Variants in SAMSN1 observed in about 807,000 individuals in gnomAD.
SAMSN1 encodes the protein SAM domain, SH3 domain and nuclear localization signals 1.
SAMSN1 carries 31 observed loss-of-function variants against 42.0 expected under a neutral mutation model. That is an observed-to-expected ratio of 0.74 (90% CI 0.55 to 1.00). The LOEUF is 1.00. Ranked by LOEUF, SAMSN1 falls within the 50% of genes least tolerant of loss-of-function variation. The probability of loss-of-function intolerance (pLI) is 0.00; values close to 1 mark genes in which losing one functional copy is unlikely to be tolerated. For synonymous variants in SAMSN1, 178 were observed against 151.9 expected, an observed-to-expected ratio of 1.17 and a Z score of -1.26; for missense variants, 464 against 439.4, an observed-to-expected ratio of 1.06 and a Z score of -0.50.
Position 14,656,111 on chromosome 21 carries a change from G to A in SAMSN1, c.24+2637C>T, listed in dbSNP as rs530586489. On this transcript the variant is annotated intron_variant, in intron 1 of 15. Transcript: ENST00000647101. ...CTATGTTTGTGGATGAAAAGACCTA[G>A]CACCATAATGAAGTCAATTTCCCCT... Among the ~76,000 whole-genome samples the A allele has an allele frequency of 2.6e-5, 4 of 151,890 alleles. No homozygotes were observed. In the South Asian group the frequency reaches 6.2e-4, roughly 24 times the overall value.
exon 2 of SAMSN1, chr21:14,582,446 T>C: frequency 6.6e-7 from 1 of 1,510,032 alleles, no homozygotes. Context: ...TTCTCGGGAC[T>C]TGGTTAATTT....
At chr21:14,607,293 A>G (rs1440040187) in intron 5 of SAMSN1, among the ~76,000 whole-genome samples, 1 of 152,236 alleles carries the variant, frequency 6.6e-6, no homozygotes, top group Non-Finnish European at 1.5e-5. Flanking sequence ...AATGAGAAAG[A>G]AATATTTTAG....
chr21:14,494,306 A>C (rs1232546594), intron 7 of SAMSN1, among the ~76,000 whole-genome samples: 1 of 152,188 alleles, frequency 6.6e-6, no homozygotes, highest in Non-Finnish European at 1.5e-5. Context: ...AATTGCAACC[A>C]ACCCTAATGC....
At chr21:14,500,760 A>G (rs770386169) in intron 5 of SAMSN1, 25 bp from the exon 6 acceptor site, 54 of 1,543,362 alleles carry the variant, frequency 3.5e-5, no homozygotes, top group Non-Finnish European at 4.7e-5. Context: ...ATCCATACAC[A>G]TTAGATTTCA....
At chr21:14,611,457 T>G (rs1982705449) in intron 4 of SAMSN1, among the ~76,000 whole-genome samples, 1 of 152,172 alleles carries the variant, frequency 6.6e-6, no homozygotes, top group East Asian at 1.9e-4. Context: ...GAAGACAAAC[T>G]CAGCATGCTG....
At chr21:14,521,960 C>A (rs962149962) in intron 1 of SAMSN1, among the ~76,000 whole-genome samples, 6 of 151,208 alleles carry the variant, frequency 4.0e-5, no homozygotes, top group Non-Finnish European at 2.9e-5. Context: ...ATTTGAAGTT[C>A]TCTGCTGGGT....
intron 1 of SAMSN1, among the ~76,000 whole-genome samples, chr21:14,525,929 A>C (rs570180937): frequency 2.0e-5 from 3 of 152,272 alleles, no homozygotes; most frequent in African/African-American, 7.2e-5. Context: ...CAGTGGCTCC[A>C]TCTCGGCTCA....
intron 1 of SAMSN1, among the ~76,000 whole-genome samples, chr21:14,545,110 G>A (rs1980302587): frequency 6.6e-6 from 1 of 152,050 alleles, no homozygotes; most frequent in African/African-American, 2.4e-5. Flanking sequence ...CCATTATTAT[G>A]CATATGTGTC....
At chr21:14,576,081 G>T (rs1397540997) in intron 2 of SAMSN1, among the ~76,000 whole-genome samples, 1 of 152,176 alleles carries the variant, frequency 6.6e-6, no homozygotes, top group Non-Finnish European at 1.5e-5. Flanking sequence ...GCAGTAAAGA[G>T]TGTGTAAAAA....
intron 1 of SAMSN1, among the ~76,000 whole-genome samples, chr21:14,646,537 G>T (rs1983717261): frequency 6.6e-6 from 1 of 152,140 alleles, no homozygotes; most frequent in Non-Finnish European, 1.5e-5. Flanking sequence ...CAATCAGAAA[G>T]AAAAGGACAG....
intron 5 of SAMSN1, among the ~76,000 whole-genome samples, chr21:14,508,427 C>T (rs58995566): frequency 0.045 from 6,905 of 152,056 alleles, 482 homozygotes; most frequent in African/African-American, 0.15. Context: ...AAAGAAGATA[C>T]ACAAATGGCC....
chr21:14,628,000 G>T lies in SAMSN1; in HGVS notation c.157-11984C>A, dbSNP rs192743846. Reference sequence around the variant, plus strand: ...TCACCCAAAAAGTGAGACAAAGTTTGCTCTAGTCCAGCAATAGACAGGATG... The same window carrying T: ...TCACCCAAAAAGTGAGACAAAGTTTTCTCTAGTCCAGCAATAGACAGGATG... On this transcript the variant is annotated intron_variant, in intron 2 of 15. Transcript: ENST00000647101. Among the ~76,000 whole-genome samples, 23 of 152,166 alleles carry T rather than the reference G, an allele frequency of 1.5e-4. No individual in the cohort carries two copies. The East Asian group carries it at 4.3e-3, about 28-fold the overall frequency.
At chr21:14,515,614 C>A (rs1568780026) in intron 3 of SAMSN1, among the ~76,000 whole-genome samples, 1 of 151,978 alleles carries the variant, frequency 6.6e-6, no homozygotes, top group Non-Finnish European at 1.5e-5. Context: ...TTACCAAAAG[C>A]ACAAGTGACC....
At chr21:14,489,136 A>G (rs745921516) in intron 7 of SAMSN1, among the ~76,000 whole-genome samples, 24 of 152,162 alleles carry the variant, frequency 1.6e-4, no homozygotes, top group Middle Eastern at 3.2e-3. Context: ...TCATGTGGCC[A>G]TGAAACAGAG....
intron 1 of SAMSN1, chr21:14,582,530 C>G: frequency 2.8e-6 from 2 of 712,788 alleles, no homozygotes; most frequent in South Asian, 3.9e-5. Flanking sequence ...GATTATAATT[C>G]TTCACATATA....
intron 4 of SAMSN1, among the ~76,000 whole-genome samples, chr21:14,610,229 A>C (rs1414667375): frequency 1.3e-5 from 2 of 152,142 alleles, no homozygotes; most frequent in Non-Finnish European, 2.9e-5. Context: ...ATTAATAATT[A>C]ACAGCCCTGG....
At chr21:14,517,091 A>G in intron 2 of SAMSN1, 50 bp from the exon 3 acceptor site, 1 of 1,512,798 alleles carries the variant, frequency 6.6e-7, no homozygotes, top group Non-Finnish European at 9.0e-7. Flanking sequence ...AATAAAAAAC[A>G]TTGATCTGAA....
At chr21:14,537,052 A>G (rs139310483) in intron 1 of SAMSN1, among the ~76,000 whole-genome samples, 65 of 152,316 alleles carry the variant, frequency 4.3e-4, no homozygotes, top group Non-Finnish European at 7.5e-4. Context: ...AAATAAACCC[A>G]CTAAACTGTA....
chr21:14,528,535 CT>C (rs1156316491), intron 1 of SAMSN1, among the ~76,000 whole-genome samples: 1 of 152,190 alleles, frequency 6.6e-6, no homozygotes, highest in African/African-American at 2.4e-5. Flanking sequence ...ACCTCTGAAA[CT>C]TTACCAGCCC....
Sources: allele counts gnomAD v4.1 joint callset (sites outside exome capture counted in the v4.1 genomes callset), GRCh38; gene constraint gnomAD v4.1.1; transcripts MANE v1.5; gene names NCBI Gene and HGNC (gene_info 2026-07-23, HGNC 2026-07-21).